Variants in PIK3CB observed in about 807,000 individuals in gnomAD.
PIK3CB encodes the protein phosphatidylinositol-4,5-bisphosphate 3-kinase catalytic subunit beta.
Under a neutral mutation model 136.8 loss-of-function variants are expected in PIK3CB, and 39 were observed. The observed-to-expected ratio is 0.29, with a 90% CI of 0.22 to 0.37. The LOEUF (loss-of-function observed/expected upper bound fraction) is 0.37. Among genes scored for constraint, PIK3CB ranks in the 10% least tolerant of loss-of-function variants. The pLI is 1.00. For synonymous variants in PIK3CB, 428 were observed against 436.6 expected, an observed-to-expected ratio of 0.98 and a Z score of 0.25; for missense variants, 868 against 1,275.4, an observed-to-expected ratio of 0.68 and a Z score of 4.87.
At chr3:138,759,421 G>A in intron 2 of PIK3CB, 62 bp from the exon 3 acceptor site, 2 of 1,109,868 alleles carry the variant, frequency 1.8e-6, no homozygotes, top group East Asian at 4.8e-5. Flanking sequence ...ACCAAGATAT[G>A]ATAAAGACCA....
chr3:138,752,273 T>G (rs1212557005), intron 4 of PIK3CB, among the ~76,000 whole-genome samples: 1 of 152,206 alleles, frequency 6.6e-6, no homozygotes, highest in Non-Finnish European at 1.5e-5. Context: ...ATTTTTAGCC[T>G]AGTCAGGGCA....
At chr3:138,792,972 T>A (rs1170853860) in intron 2 of PIK3CB, among the ~76,000 whole-genome samples, 1 of 152,186 alleles carries the variant, frequency 6.6e-6, no homozygotes, top group East Asian at 1.9e-4. Context: ...TTACTTTTTT[T>A]AATAATGTAG....
intron 21 of PIK3CB, among the ~76,000 whole-genome samples, chr3:138,661,989 C>T (rs546801728): frequency 1.8e-4 from 28 of 152,102 alleles, no homozygotes; most frequent in African/African-American, 6.8e-4. Flanking sequence ...CCCTAGGTAC[C>T]CCAGAATGCT....
intron 13 of PIK3CB, among the ~76,000 whole-genome samples, chr3:138,698,207 T>C (rs571421809): frequency 2.0e-5 from 3 of 152,192 alleles, no homozygotes; most frequent in Non-Finnish European, 4.4e-5. Flanking sequence ...ACTAGAGAGA[T>C]TCATTGAACT....
intron 8 of PIK3CB, among the ~76,000 whole-genome samples, chr3:138,729,610 C>T (rs1378443787): frequency 6.6e-6 from 1 of 151,970 alleles, no homozygotes; most frequent in African/African-American, 2.4e-5. Context: ...TGCCTTGGGA[C>T]TCTAACTGAA....
At chr3:138,689,021 C>A in intron 15 of PIK3CB, 47 bp from the exon 16 acceptor site, 1 of 1,112,428 alleles carries the variant, frequency 9.0e-7, no homozygotes, top group South Asian at 1.3e-5. Context: ...TCAAACACTT[C>A]AGATCACCGA....
chr3:138,656,023 G>T, intron 23 of PIK3CB, 119 bp downstream of exon 23: 1 of 1,016,300 alleles, frequency 9.8e-7, no homozygotes, highest in East Asian at 2.5e-5. Context: ...TCCTGGCTAA[G>T]AACCATCTTA....
At chr3:138,802,207 C>G (rs911862725) in intron 1 of PIK3CB, among the ~76,000 whole-genome samples, 1 of 103,574 alleles carries the variant, frequency 9.7e-6, no homozygotes, top group African/African-American at 3.6e-5. Context: ...AACCCCGTCT[C>G]TACTAAAAAT....
At chr3:138,709,792 C>T (rs928804056) in intron 10 of PIK3CB, among the ~76,000 whole-genome samples, 1 of 152,098 alleles carries the variant, frequency 6.6e-6, no homozygotes, top group African/African-American at 2.4e-5. Context: ...TTCTGGAGAA[C>T]ATGTGTGAGT....
At chr3:138,776,574 C>T (rs1365907876) in intron 2 of PIK3CB, among the ~76,000 whole-genome samples, 1 of 152,100 alleles carries the variant, frequency 6.6e-6, no homozygotes, top group Non-Finnish European at 1.5e-5. Flanking sequence ...TAGCACACAC[C>T]TGTAGTCCCA....
Position 138,655,542 on chromosome 3 carries a change from GA to G in PIK3CB, c.3076-17del, listed in dbSNP as rs764047347. 8 of 1,597,500 alleles carry G rather than the reference GA, an allele frequency of 5.0e-6. No individual in the cohort carries two copies. Among genetic ancestry groups the G allele is most frequent in the Non-Finnish European group, 6.9e-6 (8 of 1,165,192 alleles). On this transcript the variant is annotated splice_polypyrimidine_tract_variant and intron_variant, in intron 23 of 23. Transcript: ENST00000674063. ...CAAGAGAGTCCTAAAATGGAAGGGG[GA>G]AAATATGATTTTATATAACTTTAGT...
intron 1 of PIK3CB, chr3:138,826,019 G>T: frequency 7.1e-7 from 1 of 1,416,252 alleles, no homozygotes; most frequent in South Asian, 1.2e-5. Flanking sequence ...CTATGCCACT[G>T]TACTGGATTG....
At chr3:138,776,468 C>T (rs2045859616) in intron 2 of PIK3CB, among the ~76,000 whole-genome samples, 1 of 151,952 alleles carries the variant, frequency 6.6e-6, no homozygotes. Context: ...GGCAGAGGAT[C>T]CCTTGAGGCC....
rs1268871633 is a variant in PIK3CB at position 138,657,821 on chromosome 3, G to A, written c.2811C>T (p.Asp937=). Residue 937 remains aspartate (D), a synonymous_variant, in exon 22 of 24, where the codon GAC becomes GAT. Coordinates refer to ENST00000674063, the MANE Select transcript of PIK3CB (RefSeq NM_006219.3). ...TGAAATTTCCAAGAATATGTCCAAAGTCAATGTGGAAGAGCTGGAAAACAA... is the reference window on the plus strand; with the variant it reads ...TGAAATTTCCAAGAATATGTCCAAAATCAATGTGGAAGAGCTGGAAAACAA... ...VKKTGQLFHI[D]FGHILGNFKS... is the part of the protein sequence containing the mutation. 2 of 1,609,208 alleles carry A rather than the reference G, an allele frequency of 1.2e-6. No homozygotes were observed. The highest frequency in any genetic ancestry group is 2.7e-5 in the African/African-American group (2 of 74,570).
At chr3:138,708,453 G>T (rs2044425692) in intron 10 of PIK3CB, among the ~76,000 whole-genome samples, 1 of 151,368 alleles carries the variant, frequency 6.6e-6, no homozygotes, top group South Asian at 2.1e-4. Context: ...TAGAGACAGG[G>T]TTTCACCATG....
intron 15 of PIK3CB, among the ~76,000 whole-genome samples, chr3:138,690,711 A>G (rs1002171158): frequency 6.7e-6 from 1 of 149,062 alleles, no homozygotes; most frequent in African/African-American, 2.6e-5. Flanking sequence ...TCAAGCAGGT[A>G]GAAAACACAC....
chr3:138,756,245 A>C (rs1464826939), intron 3 of PIK3CB, among the ~76,000 whole-genome samples: 2 of 152,184 alleles, frequency 1.3e-5, no homozygotes, highest in Non-Finnish European at 2.9e-5. Flanking sequence ...TACAACAGCA[A>C]ATTATAGGAG....
intron 1 of PIK3CB, among the ~76,000 whole-genome samples, chr3:138,829,091 C>A (rs1933915965): frequency 6.6e-6 from 1 of 151,702 alleles, no homozygotes; most frequent in Non-Finnish European, 1.5e-5. Context: ...CGTGAGCCTC[C>A]GTGTCCGGCC....
intron 19 of PIK3CB, 27 bp downstream of exon 19, chr3:138,681,939 TG>T (rs2043790651): frequency 7.4e-7 from 1 of 1,345,104 alleles, no homozygotes. Flanking sequence ...GACATTAGAC[TG>T]AAAAAAAAAA....
Sources: allele counts gnomAD v4.1 joint callset (sites outside exome capture counted in the v4.1 genomes callset), GRCh38; gene constraint gnomAD v4.1.1; transcripts MANE v1.5; gene names NCBI Gene and HGNC (gene_info 2026-07-23, HGNC 2026-07-21).